Variants in TRIM3 observed in about 807,000 individuals in gnomAD.
TRIM3 encodes the protein tripartite motif-containing protein 3.
In TRIM3, 13 loss-of-function variants were observed where a neutral mutation model predicts 66.6. The ratio of observed to expected loss-of-function variants is 0.20; its 90% CI spans 0.13 to 0.31. The LOEUF is 0.31. Among genes scored for constraint, TRIM3 ranks in the 10% least tolerant of loss-of-function variants. TRIM3 has a pLI of 1.00. For synonymous variants in TRIM3, 406 were observed against 411.7 expected (o/e 0.99, Z 0.17); for missense variants, 711 against 1,020.4 (o/e 0.70, Z 4.13).
chr11:6,464,741 C>A (rs573905992), intron 2 of TRIM3, among the ~76,000 whole-genome samples: 1 of 152,238 alleles, frequency 6.6e-6, no homozygotes, highest in African/African-American at 2.4e-5. Context: ...AATCCCAGCA[C>A]TTTGGGAGGC....
chr11:6,460,067 T>A (rs1290721148), intron 2 of TRIM3, among the ~76,000 whole-genome samples: 1 of 152,106 alleles, frequency 6.6e-6, no homozygotes, highest in African/African-American at 2.4e-5. Context: ...TAGCAAAAAC[T>A]GAATGAGGAC....
Position 6,457,931 on chromosome 11 carries a change from C to A in TRIM3, c.364-84G>T. On this transcript the variant is annotated intron_variant, in intron 3 of 11. Coordinates refer to ENST00000345851, the MANE Select transcript of TRIM3 (RefSeq NM_033278.4). This position sits in a 1 kb window ranked among gnomAD's most constrained non-coding sequence, Gnocchi z 4.5. The stretch of plus-strand genomic sequence containing the variant: ...CCCACCTGCCCTCCCTGCCCCTCAC[C>A]TTCTAAGTGCACCCCCTACCTGGAC... 6.3e-7 allele frequency: 1 copy of A among 1,576,932 alleles called. No individual in the cohort carries two copies. The highest frequency in any genetic ancestry group is 1.7e-5 in the Admixed American group (1 of 58,784).
At chr11:6,466,640 T>G (rs1056393280) in intron 1 of TRIM3, among the ~76,000 whole-genome samples, 1 of 151,956 alleles carries the variant, frequency 6.6e-6, no homozygotes, top group Non-Finnish European at 1.5e-5. Flanking sequence ...TGTTCTCTTT[T>G]GCTTCTGGGA....
Position 6,457,061 on chromosome 11 carries a change from A to G in TRIM3, c.697-32T>C. On this transcript the variant is annotated intron_variant, in intron 5 of 11. Transcript: ENST00000345851. The surrounding 1 kb of genome is among the most constrained non-coding windows in gnomAD (Gnocchi z 4.5). ...AGGGGTAGGGGAGGAGTGGGTGAGCAGACTGGCACAGGGGGAGTCTCTGTG... is the reference window on the plus strand; with the variant it reads ...AGGGGTAGGGGAGGAGTGGGTGAGCGGACTGGCACAGGGGGAGTCTCTGTG... The G allele has an allele frequency of 6.4e-7, 1 of 1,565,064 alleles. No homozygotes were observed. The highest frequency in any genetic ancestry group is 8.6e-7 in the Non-Finnish European group (1 of 1,156,630).
upstream of TRIM3, chr11:6,473,981 G>C (rs1393067150): frequency 6.6e-6 from 1 of 151,428 alleles, no homozygotes; most frequent in African/African-American, 2.4e-5. Context: ...GGACCGGCCG[G>C]GGGAGGGGGT....
rs1351747015 is a variant in TRIM3 at position 6,464,694 on chromosome 11, G to C, written c.131+871C>G. Among the ~76,000 whole-genome samples the C allele has an allele frequency of 2.0e-5, 3 of 152,070 alleles. 1 individual carries two copies. The highest frequency in any genetic ancestry group is 1.3e-4 in the Admixed American group (2 of 15,258). On this transcript the variant is annotated intron_variant, in intron 2 of 11. Coordinates refer to ENST00000345851, the MANE Select transcript of TRIM3 (RefSeq NM_033278.4). ...TAAATATGTAAACTATTGTGTATCA[G>C]TTTTTAAAAAGAGTAAGCACGGTAG... is the stretch of plus-strand genomic sequence containing the variant.
intron 2 of TRIM3, among the ~76,000 whole-genome samples, chr11:6,459,480 G>T (rs1850129692): frequency 6.6e-6 from 1 of 152,218 alleles, no homozygotes; most frequent in Non-Finnish European, 1.5e-5. Context: ...TTTATTAAGT[G>T]CATATGTGCC....
In TRIM3 at chr11:6,450,715, G is replaced by C; in HGVS notation, c.1871-94C>G. ...GAAGATAAAAGCTAGGGTGTTAGGA[G>C]AGGGGTGGGGTCTCCAGGACTGAGA... On this transcript the variant is annotated intron_variant, in intron 9 of 11. Coordinates refer to ENST00000345851, the MANE Select transcript of TRIM3 (RefSeq NM_033278.4). This position sits in a 1 kb window ranked among gnomAD's most constrained non-coding sequence, Gnocchi z 4.8. 1 of 1,418,522 alleles carries C rather than the reference G, an allele frequency of 7.0e-7. No individual in the cohort carries two copies. The highest frequency in any genetic ancestry group is 9.9e-7 in the Non-Finnish European group (1 of 1,007,076). 87.9% of individuals were successfully genotyped at this position (1,418,522 alleles called of 1,614,324 possible).
At position 6,449,122 on chromosome 11, in the gene TRIM3, T is replaced by C. The variant is rs1207655433; in HGVS notation, c.2141A>G (p.Tyr714Cys). The part of the protein sequence containing the change: ...SYINTSAEPL[Y>C]GPQGLALTSD... Reference sequence around the variant, plus strand: ...GGTCAGTGCCAGGCCCTGTGGACCATACAGTGGTTCTGCAGATGTGTTGAT... The same window carrying C: ...GGTCAGTGCCAGGCCCTGTGGACCACACAGTGGTTCTGCAGATGTGTTGAT... The change falls in exon 12 of 12, where the codon TAT becomes TGT. Residue 714 changes from tyrosine to cysteine, a missense_variant. By Grantham distance (194) the Tyr-to-Cys change is radical. Transcript: ENST00000345851. The surrounding 1 kb of genome is among the most constrained non-coding windows in gnomAD (Gnocchi z 5.3). 4 of 1,614,018 alleles carry C rather than the reference T, an allele frequency of 2.5e-6. No homozygotes were observed. The highest frequency in any genetic ancestry group is 3.4e-6 in the Non-Finnish European group (4 of 1,180,024).
At chr11:6,470,227 C>T (rs568657437) in intron 1 of TRIM3, among the ~76,000 whole-genome samples, 1 of 152,144 alleles carries the variant, frequency 6.6e-6, no homozygotes, top group South Asian at 2.1e-4. Context: ...CAAAGACAGG[C>T]CAAGATAAAT....
At position 6,450,646 on chromosome 11, in the gene TRIM3, G is replaced by T. The variant is rs1171658306; in HGVS notation, c.1871-25C>A. On this transcript the variant is annotated intron_variant, in intron 9 of 11. Transcript: ENST00000345851. This position sits in a 1 kb window ranked among gnomAD's most constrained non-coding sequence, Gnocchi z 4.8. The stretch of plus-strand genomic sequence containing the variant: ...CCTGAAAATACAAAGTGGTCTTCAG[G>T]GCAGTAAGCTGGGATGCTGAGTGGG... 1.9e-6 allele frequency: 3 copies of T among 1,610,782 alleles called. No homozygotes were observed. The highest frequency in any genetic ancestry group is 2.5e-6 in the Non-Finnish European group (3 of 1,177,054).
At chr11:6,473,684 GGC>G (rs1850802972) in intron 1 of TRIM3, 105 bp downstream of exon 1, 1 of 152,202 alleles carries the variant, frequency 6.6e-6, no homozygotes, top group South Asian at 2.1e-4. Flanking sequence ...GGCAGAGAGA[GGC>G]ACAGCTTTTG....
At chr11:6,467,724 C>T (rs1194464117) in intron 1 of TRIM3, among the ~76,000 whole-genome samples, 2 of 151,932 alleles carry the variant, frequency 1.3e-5, no homozygotes, top group Non-Finnish European at 2.9e-5. Flanking sequence ...ATAATCGTGC[C>T]ACTGCACTCT....
At position 6,457,259 on chromosome 11, in the gene TRIM3, A is replaced by C. The variant is rs186948111; in HGVS notation, c.696+37T>G. On this transcript the variant is annotated intron_variant, in intron 5 of 11. Coordinates refer to ENST00000345851, the MANE Select transcript of TRIM3 (RefSeq NM_033278.4). This position sits in a 1 kb window ranked among gnomAD's most constrained non-coding sequence, Gnocchi z 4.5. ...CAATGGAGGCAATAACACCATCACAATGGACGATGGTAGGAAAGGGTGAAC... is the reference window on the plus strand; with the variant it reads ...CAATGGAGGCAATAACACCATCACACTGGACGATGGTAGGAAAGGGTGAAC... 1.4e-5 allele frequency: 22 copies of C among 1,605,238 alleles called. No individual in the cohort carries two copies. In the Admixed American group the frequency reaches 3.3e-4, roughly 24 times the overall value.
rs151061340 is a variant in TRIM3, at chr11:6,456,373, A to C, written c.1353T>G (p.Arg451=). 4 of 1,532,188 alleles carry C rather than the reference A, an allele frequency of 2.6e-6. No homozygotes were observed. In the African/African-American group the frequency reaches 5.5e-5, roughly 21 times the overall value. 94.9% of individuals were successfully genotyped at this position (1,532,188 alleles called of 1,614,324 possible). Residue 451 remains arginine (R), a synonymous_variant, in exon 6 of 12, where the codon CGT becomes CGG. Coordinates refer to ENST00000345851, the MANE Select transcript of TRIM3 (RefSeq NM_033278.4). This position sits in a 1 kb window ranked among gnomAD's most constrained non-coding sequence, Gnocchi z 6.4. The stretch of plus-strand genomic sequence containing the variant: ...CTGTGCTGTACATGGAGCTGGGCCT[A>C]CGCACTGCCTTCTGGCGCACATGGC... ...PGSHVRQKAV[R]RPSSMYSTGG...
At chr11:6,473,097 A>T (rs1850759104) in intron 1 of TRIM3, 1 of 152,552 alleles carries the variant, frequency 6.6e-6, no homozygotes, top group Non-Finnish European at 1.5e-5. Flanking sequence ...CCTGGGGTGC[A>T]GCCTGCCCCT....
chr11:6,468,973 G>A (rs1174990036), intron 1 of TRIM3, among the ~76,000 whole-genome samples: 2 of 152,218 alleles, frequency 1.3e-5, no homozygotes, highest in African/African-American at 4.8e-5. Flanking sequence ...TGGGTAGAGT[G>A]TGAAGGGCAT....
At chr11:6,466,264 G>A (rs913296580) in intron 1 of TRIM3, among the ~76,000 whole-genome samples, 2 of 152,110 alleles carry the variant, frequency 1.3e-5, no homozygotes, top group African/African-American at 2.4e-5. Flanking sequence ...TATCAAGGTC[G>A]GGATTGCTTC....
intron 1 of TRIM3, among the ~76,000 whole-genome samples, chr11:6,469,748 G>A (rs1432455519): frequency 6.6e-6 from 1 of 152,190 alleles, no homozygotes; most frequent in African/African-American, 2.4e-5. Context: ...GTAAAGTGGT[G>A]AAGACCATGA....
Sources: allele counts gnomAD v4.1 joint callset (sites outside exome capture counted in the v4.1 genomes callset), GRCh38; gene constraint gnomAD v4.1.1; non-coding constraint Gnocchi (gnomAD v3.1); transcripts MANE v1.5; gene names NCBI Gene and HGNC (gene_info 2026-07-23, HGNC 2026-07-21).